MAST2: variants seen among roughly 807,000 people sequenced by gnomAD.
The protein encoded by MAST2 is microtubule associated serine/threonine kinase 2.
Under a neutral mutation model 147.4 loss-of-function variants are expected in MAST2, and 70 were observed. The ratio of observed to expected loss-of-function variants is 0.47; its 90% CI spans 0.39 to 0.58. The LOEUF (loss-of-function observed/expected upper bound fraction) is 0.58, where lower values mean the gene tolerates loss of function less well. Ranked by LOEUF, MAST2 falls within the 20% of genes least tolerant of loss-of-function variation. The probability of loss-of-function intolerance (pLI) is 0.00; values close to 1 mark genes in which losing one functional copy is unlikely to be tolerated. For missense variants in MAST2, 2,080 were observed against 2,302.3 expected, an observed-to-expected ratio of 0.90 and a Z score of 1.98; for synonymous variants, 869 against 896.8, an observed-to-expected ratio of 0.97 and a Z score of 0.55.
At chr1:45,910,328 G>A (rs1024608301) in intron 4 of MAST2, among the ~76,000 whole-genome samples, 1 of 151,702 alleles carries the variant, frequency 6.6e-6, no homozygotes, top group Non-Finnish European at 1.5e-5. Flanking sequence ...CGTAAAAAAT[G>A]GAAGTTTTTT....
Position 46,023,745 on chromosome 1 carries a change from G to A in MAST2, c.1572-27G>A, listed in dbSNP as rs1646287002. 6.2e-7 allele frequency: 1 copy of A among 1,608,010 alleles called. No homozygotes were observed. Among genetic ancestry groups the A allele is most frequent in the Admixed American group, 1.7e-5 (1 of 59,482 alleles). On this transcript the variant is annotated intron_variant, in intron 14 of 28. Coordinates refer to ENST00000361297, the MANE Select transcript of MAST2 (RefSeq NM_015112.3). The surrounding 1 kb of genome is among the most constrained non-coding windows in gnomAD (Gnocchi z 4.9). ...ACAGCTCAGGTGCTGAGGGTCCATG[G>A]GGGATGGGCCGGACTTTGTTTCCCA...
At chr1:45,941,493 T>C (rs1207394968) in intron 4 of MAST2, among the ~76,000 whole-genome samples, 1 of 152,114 alleles carries the variant, frequency 6.6e-6, no homozygotes, top group African/African-American at 2.4e-5. Context: ...CTTCTGACCT[T>C]GTGATCCACT....
At chr1:45,909,811 T>C (rs1401367877) in intron 4 of MAST2, among the ~76,000 whole-genome samples, 1 of 150,656 alleles carries the variant, frequency 6.6e-6, no homozygotes, top group Non-Finnish European at 1.5e-5. Context: ...CCACCCCACC[T>C]GGCCCTTTCT....
intron 3 of MAST2, among the ~76,000 whole-genome samples, chr1:45,851,943 A>T (rs930698162): frequency 2.0e-5 from 3 of 152,126 alleles, no homozygotes; most frequent in Admixed American, 6.6e-5. Flanking sequence ...AAAATATAGG[A>T]ATTTCCTTTT....
chr1:45,908,589 T>C (rs1365583986), intron 4 of MAST2, among the ~76,000 whole-genome samples: 2 of 152,256 alleles, frequency 1.3e-5, no homozygotes, highest in African/African-American at 4.8e-5. Flanking sequence ...TGGAAGATTT[T>C]ATATTTTATT....
chr1:45,891,970 C>G (rs1313716055), intron 4 of MAST2, among the ~76,000 whole-genome samples: 1 of 152,108 alleles, frequency 6.6e-6, no homozygotes, highest in African/African-American at 2.4e-5. Flanking sequence ...AGGAAGTGGC[C>G]TTCCTTACCA....
chr1:45,958,865 T>C (rs572367339), intron 4 of MAST2, among the ~76,000 whole-genome samples: 173 of 152,322 alleles, frequency 1.1e-3, no homozygotes, highest in South Asian at 5.2e-3. Context: ...GACATTAACA[T>C]GTAGTGGAAA....
In MAST2 at chr1:46,002,850, A is replaced by T. The variant is rs1645330015; in HGVS notation, c.714A>T (p.Gly238=). The change falls in exon 7 of 29, where the codon GGA becomes GGT. Residue 238 remains glycine, a synonymous_variant. Coordinates refer to ENST00000361297, the MANE Select transcript of MAST2 (RefSeq NM_015112.3). ...RWSLASLPSS[G]YGTNTPSSTV... is the part of the protein sequence containing the mutation. ...CTTTGGCCTCTTTGCCCTCTTCAGGATATGGAACTAACACTCCTAGCTCCA... is the reference window on the plus strand; with the variant it reads ...CTTTGGCCTCTTTGCCCTCTTCAGGTTATGGAACTAACACTCCTAGCTCCA... The T allele has an allele frequency of 6.2e-7, 1 of 1,614,094 alleles. No individual in the cohort carries two copies. Among genetic ancestry groups the T allele is most frequent in the Non-Finnish European group, 8.5e-7 (1 of 1,179,994 alleles).
chr1:45,966,504 G>T (rs957815293), intron 5 of MAST2, among the ~76,000 whole-genome samples: 42 of 152,178 alleles, frequency 2.8e-4, no homozygotes, highest in Admixed American at 2.8e-3. Context: ...GCCAAGGTGG[G>T]CAGATCACTT....
At chr1:45,843,202 A>G (rs1018929191) in intron 3 of MAST2, among the ~76,000 whole-genome samples, 50 of 151,752 alleles carry the variant, frequency 3.3e-4, no homozygotes, top group Admixed American at 2.9e-3. Flanking sequence ...ATGATTTCCA[A>G]ATTTTTTTCC....
chr1:45,883,498 A>C (rs1240765809), intron 4 of MAST2, among the ~76,000 whole-genome samples: 2 of 152,166 alleles, frequency 1.3e-5, no homozygotes, highest in East Asian at 3.8e-4. Context: ...AGCTTTGTAA[A>C]CCTAGACAAA....
At chr1:45,873,085 A>G (rs932646206) in intron 3 of MAST2, among the ~76,000 whole-genome samples, 4 of 151,918 alleles carry the variant, frequency 2.6e-5, no homozygotes, top group African/African-American at 9.7e-5. Flanking sequence ...ATAGGGATGG[A>G]GTATTGGGGG....
At chr1:45,944,449 A>C (rs1272104570) in intron 4 of MAST2, among the ~76,000 whole-genome samples, 1 of 152,196 alleles carries the variant, frequency 6.6e-6, no homozygotes, top group Non-Finnish European at 1.5e-5. Flanking sequence ...TTTCTAATAA[A>C]GTCATTGTGC....
chr1:46,023,662 C>T lies in MAST2; in HGVS notation c.1572-110C>T, dbSNP rs1646283731. ...TTCTCACTGATATGCATGCCCTTGCCCCCTTGTTCTGTGCATTAATTAAGG... is the reference window on the plus strand; with the variant it reads ...TTCTCACTGATATGCATGCCCTTGCTCCCTTGTTCTGTGCATTAATTAAGG... On this transcript the variant is annotated intron_variant, in intron 14 of 28. Transcript: ENST00000361297. The surrounding 1 kb of genome is among the most constrained non-coding windows in gnomAD (Gnocchi z 4.9). 1 of 966,540 alleles carries T rather than the reference C, an allele frequency of 1.0e-6. No homozygotes were observed. Among genetic ancestry groups the T allele is most frequent in the Non-Finnish European group, 1.6e-6 (1 of 638,154 alleles). The allele number at this position is 966,540 out of a possible 1,614,324, so 59.9% of individuals were successfully genotyped here.
intron 26 of MAST2, among the ~76,000 whole-genome samples, 184 bp from the exon 27 acceptor site, chr1:46,033,618 G>T (rs938137070): frequency 3.9e-5 from 6 of 152,226 alleles, no homozygotes; most frequent in African/African-American, 1.2e-4. Context: ...ACCACTCTGG[G>T]GCTCCAATGG....
At chr1:45,964,665 C>T (rs1009428525) in intron 5 of MAST2, among the ~76,000 whole-genome samples, 2 of 152,204 alleles carry the variant, frequency 1.3e-5, no homozygotes, top group Non-Finnish European at 2.9e-5. Context: ...TTCAAAAAAC[C>T]AGCTCCTGGA....
intron 3 of MAST2, among the ~76,000 whole-genome samples, chr1:45,832,800 A>G (rs1465863695): frequency 6.6e-6 from 1 of 152,124 alleles, no homozygotes; most frequent in African/African-American, 2.4e-5. Context: ...GATATAATTC[A>G]CATATGATAT....
intron 4 of MAST2, among the ~76,000 whole-genome samples, chr1:45,938,050 A>G (rs1557935051): frequency 6.6e-6 from 1 of 152,108 alleles, no homozygotes; most frequent in Non-Finnish European, 1.5e-5. Context: ...TGCTAAATGT[A>G]GTTTTTTGTT....
At chr1:45,988,097 C>G in intron 5 of MAST2, among the ~76,000 whole-genome samples, 1 of 152,106 alleles carries the variant, frequency 6.6e-6, no homozygotes, top group South Asian at 2.1e-4. Flanking sequence ...ACTGCAGCCT[C>G]GACTTCCTGG....
Sources: gnomAD v4.1 joint callset for allele counts (sites outside exome capture counted in the v4.1 genomes callset) on GRCh38, gnomAD v4.1.1 for gene constraint, Gnocchi (gnomAD v3.1) non-coding constraint, MANE v1.5 for transcripts, NCBI Gene and HGNC (gene_info 2026-07-23, HGNC 2026-07-21) for gene names.